The following TSPOAP1 variants were observed in gnomAD, a reference collection of about 807,000 sequenced individuals.
TSPOAP1 encodes peripheral-type benzodiazepine receptor-associated protein 1.
In TSPOAP1, 87 loss-of-function variants were observed where a neutral mutation model predicts 197.0. The observed-to-expected ratio is 0.44, with a 90% CI of 0.37 to 0.53. TSPOAP1 has a LOEUF of 0.53. Among genes scored for constraint, TSPOAP1 ranks in the 20% least tolerant of loss-of-function variants. The pLI is 0.00. For synonymous variants in TSPOAP1, 913 were observed against 998.9 expected (o/e 0.91, Z 1.62); for missense variants, 2,174 against 2,411.3 (o/e 0.90, Z 2.06).
intron 17 of TSPOAP1, 57 bp from the exon 18 acceptor site, chr17:58,311,779 C>T: frequency 6.6e-7 from 1 of 1,511,230 alleles, no homozygotes; most frequent in East Asian, 2.3e-5. Context: ...TCAGAGATAC[C>T]TGCCCAATTT....
rs756055121 is a variant in TSPOAP1 at position 58,322,632 on chromosome 17, C to A, written c.1317+22G>T. ...CCCATGCCAGGGCCCAGCACCCTCT[C>A]CCACCTGCACCATCTCCTCACCTTC... is the stretch of plus-strand genomic sequence containing the variant. On this transcript the variant is annotated intron_variant, in intron 9 of 31. Transcript: ENST00000343736. This position sits in a 1 kb window ranked among gnomAD's most constrained non-coding sequence, Gnocchi z 5.0. 3 of 1,606,598 alleles carry A rather than the reference C, an allele frequency of 1.9e-6. No homozygotes were observed. Among genetic ancestry groups the A allele is most frequent in the Non-Finnish European group, 2.5e-6 (3 of 1,179,802 alleles).
Position 58,312,442 on chromosome 17 carries a change from G to T in TSPOAP1, c.2379C>A (p.Tyr793Ter). The T allele has an allele frequency of 6.2e-7, 1 of 1,613,082 alleles. No individual in the cohort carries two copies. The highest frequency in any genetic ancestry group is 8.5e-7 in the Non-Finnish European group (1 of 1,179,772). The change falls in exon 17 of 32, where the codon TAC becomes TAA. Residue 793 changes from tyrosine (Y) to a stop codon, truncating the protein, a stop_gained. Coordinates refer to ENST00000343736, the MANE Select transcript of TSPOAP1 (RefSeq NM_004758.4). LOFTEE classifies it high-confidence loss of function. ...EGLGEPPAVP[Y>*]PRRLVVLKQL... The stretch of plus-strand genomic sequence containing the variant: ...GCTTGAGGACCACCAGACGGCGGGG[G>T]TAAGGCACGGCAGGAGGCTCGCCCA...
intron 25 of TSPOAP1, 46 bp from the exon 26 acceptor site, chr17:58,306,459 A>G: frequency 6.6e-7 from 1 of 1,510,536 alleles, no homozygotes; most frequent in Non-Finnish European, 9.0e-7. Context: ...GAGGTGGGAG[A>G]GACAGGACTG....
chr17:58,316,637 A>C (rs1483460163), intron 14 of TSPOAP1, 97 bp from the exon 15 acceptor site: 1 of 907,426 alleles, frequency 1.1e-6, no homozygotes. Context: ...CTATTGCTTT[A>C]AGGAGGGAAA....
chr17:58,316,769 C>T (rs1179946672), intron 14 of TSPOAP1, among the ~76,000 whole-genome samples: 1 of 152,234 alleles, frequency 6.6e-6, no homozygotes, highest in Non-Finnish European at 1.5e-5. Context: ...GTGGGGATAA[C>T]CCAGACCCCT....
intron 16 of TSPOAP1, among the ~76,000 whole-genome samples, chr17:58,314,027 C>A (rs1971144287): frequency 6.6e-6 from 1 of 152,166 alleles, no homozygotes; most frequent in Non-Finnish European, 1.5e-5. Context: ...AAAAAAAGGT[C>A]TCAGGAAACA....
chr17:58,311,308 G>A (rs1405556690), intron 18 of TSPOAP1, 95 bp from the exon 19 acceptor site: 1 of 1,518,762 alleles, frequency 6.6e-7, no homozygotes, highest in Non-Finnish European at 8.9e-7. Flanking sequence ...TGACAGCAGT[G>A]GCAGCTAGCA....
At position 58,311,691 on chromosome 17, in the gene TSPOAP1, G is replaced by A. The variant is rs200639560; in HGVS notation, c.2961C>T (p.Ile987=). Residue 987 remains isoleucine, a synonymous_variant, in exon 18 of 32, where the codon ATC becomes ATT. Transcript: ENST00000343736. ...AGATCCCAGGGGAGGGCCCAGGCTC[G>A]ATCTGCACATCCAGAGGGGCATCAG... The part of the protein sequence containing the change: ...GPPDAPLDVQ[I]EPGPSPGILI... 136 of 1,598,284 alleles carry A rather than the reference G, an allele frequency of 8.5e-5. No individual in the cohort carries two copies. The highest frequency in any genetic ancestry group is 8.2e-5 in the Non-Finnish European group (96 of 1,170,534).
At position 58,310,936 on chromosome 17, in the gene TSPOAP1, G is replaced by C. The variant is rs1971060255; in HGVS notation, c.3359C>G (p.Ala1120Gly). Residue 1120 changes from alanine to glycine, a missense_variant, in exon 19 of 32, where the codon GCT becomes GGT. Transcript: ENST00000343736. ...GDPSSPLQHP[A>G]PLGTQEPPGA... is the part of the protein sequence containing the mutation. ...TGGAGGCTCTTGAGTTCCAAGGGGA[G>C]CAGGGTGCTGGAGAGGAGAGCTGGG... is the stretch of plus-strand genomic sequence containing the variant. The C allele has an allele frequency of 5.1e-6, 8 of 1,565,016 alleles. No homozygotes were observed. The highest frequency in any genetic ancestry group is 6.9e-6 in the Non-Finnish European group (8 of 1,160,218).
intron 7 of TSPOAP1, 79 bp from the exon 8 acceptor site, chr17:58,323,118 C>T: frequency 6.5e-7 from 1 of 1,530,474 alleles, no homozygotes; most frequent in South Asian, 1.2e-5. Context: ...CCCTGCCCTC[C>T]TCCCAGGCAA....
At chr17:58,319,416 G>T in intron 12 of TSPOAP1, 122 bp from the exon 13 acceptor site, 1 of 1,137,084 alleles carries the variant, frequency 8.8e-7, no homozygotes, top group Non-Finnish European at 1.2e-6. Context: ...CCCCAGGCCT[G>T]GGCACCAGCC....
At position 58,323,006 on chromosome 17, in the gene TSPOAP1, C is replaced by T; in HGVS notation, c.1138G>A (p.Ala380Thr). The stretch of plus-strand genomic sequence containing the variant: ...CGGGAGTTCTCCTCCACCAGGCGGG[C>T]ATTCTCATTCTGCGCTTGTCTCAGC... ...LQLRQAQNEN[A>T]RLVEENSRLS... Residue 380 changes from alanine to threonine, a missense_variant, in exon 8 of 32, where the codon GCC (alanine) becomes ACC (threonine). Around this residue, in one of 5 missense-constraint regions of TSPOAP1, gnomAD observed 1,933 missense variants for 2,139.0 expected, o/e 0.90. Coordinates refer to ENST00000343736, the MANE Select transcript of TSPOAP1 (RefSeq NM_004758.4). 6.2e-7 allele frequency: 1 copy of T among 1,611,130 alleles called. No homozygotes were observed. Among genetic ancestry groups the T allele is most frequent in the Non-Finnish European group, 8.5e-7 (1 of 1,178,844 alleles).
intron 16 of TSPOAP1, among the ~76,000 whole-genome samples, chr17:58,313,009 G>T (rs530431487): frequency 1.2e-4 from 19 of 152,282 alleles, no homozygotes; most frequent in African/African-American, 4.6e-4. Context: ...AACTCGGTTG[G>T]GTCTGGATGG....
At position 58,302,103 on chromosome 17, in the gene TSPOAP1, A is replaced by T. The variant is rs1477578464; in HGVS notation, c.*377T>A. On this transcript the variant is annotated 3_prime_UTR_variant, in exon 32 of 32. Coordinates refer to ENST00000343736, the MANE Select transcript of TSPOAP1 (RefSeq NM_004758.4). ...CTAGAGAGTTCATCCTTAAGGAGCC[A>T]TTTAGCTCTGACCTTCACCAAGGCT... 1.1e-5 allele frequency: 6 copies of T among 543,656 alleles called. No individual in the cohort carries two copies. In the Admixed American group the frequency reaches 2.3e-4, roughly 21 times the overall value. 33.7% of individuals were successfully genotyped at this position (543,656 alleles called of 1,614,324 possible). A position where few individuals can be genotyped will look rare whatever the true frequency, so the allele number is the denominator to read the frequency against.
Position 58,320,997 on chromosome 17 carries a change from C to T in TSPOAP1, c.1423-416G>A, listed in dbSNP as rs374576004. Among the ~76,000 whole-genome samples the T allele has an allele frequency of 3.3e-4, 50 of 152,310 alleles. No individual in the cohort carries two copies. The East Asian group carries it at 5.8e-3, about 18-fold the overall frequency. On this transcript the variant is annotated intron_variant, in intron 10 of 31. Transcript: ENST00000343736. ...TATATTGTCTACTCTCTTCCTAGGGCTCCCATCTACTCATACAACTAAACA... is the reference window on the plus strand; with the variant it reads ...TATATTGTCTACTCTCTTCCTAGGGTTCCCATCTACTCATACAACTAAACA...
In TSPOAP1 at chr17:58,328,164, T is replaced by C. The variant is rs1971712591; in HGVS notation, c.-244A>G. 2 of 554,314 alleles carry C rather than the reference T, an allele frequency of 3.6e-6. No homozygotes were observed. The highest frequency in any genetic ancestry group is 2.3e-5 in the South Asian group (1 of 44,128). The allele number at this position is 554,314 out of a possible 1,614,324, so 34.3% of individuals were successfully genotyped here. A position where few individuals can be genotyped will look rare whatever the true frequency, so the allele number is the denominator to read the frequency against. ...GCTGGTAGCTGTGTGTGTGCGCGAG[T>C]ATGTGGAGGAGCGAGGGTGTCCCTG... On this transcript the variant is annotated 5_prime_UTR_variant, in exon 1 of 32. It adds an upstream start codon to the 5' untranslated region. Coordinates refer to ENST00000343736, the MANE Select transcript of TSPOAP1 (RefSeq NM_004758.4). This position sits in a 1 kb window ranked among gnomAD's most constrained non-coding sequence, Gnocchi z 4.3.
chr17:58,309,498 C>T lies in TSPOAP1; in HGVS notation c.3892-118G>A. ...AAGGCAGGGGTTACGGACAACCCCA[C>T]AGCCCTCCCACGGCTTCCTCCGAGA... is the stretch of plus-strand genomic sequence containing the variant. On this transcript the variant is annotated intron_variant, in intron 21 of 31. Coordinates refer to ENST00000343736, the MANE Select transcript of TSPOAP1 (RefSeq NM_004758.4). The surrounding 1 kb of genome is among the most constrained non-coding windows in gnomAD (Gnocchi z 5.0). 1 of 1,347,064 alleles carries T rather than the reference C, an allele frequency of 7.4e-7. No individual in the cohort carries two copies. The highest frequency in any genetic ancestry group is 2.7e-5 in the Admixed American group (1 of 37,358). The allele number at this position is 1,347,064 out of a possible 1,614,324, so 83.4% of individuals were successfully genotyped here.
intron 20 of TSPOAP1, 129 bp from the exon 21 acceptor site, chr17:58,310,287 G>T: frequency 8.7e-7 from 1 of 1,143,478 alleles, no homozygotes. Flanking sequence ...TGTCCTAAAT[G>T]GGGGAGGCAC....
At chr17:58,306,055 T>C (rs1970879311) in intron 26 of TSPOAP1, among the ~76,000 whole-genome samples, 190 bp from the exon 27 acceptor site, 1 of 152,176 alleles carries the variant, frequency 6.6e-6, no homozygotes, top group African/African-American at 2.4e-5. Flanking sequence ...CGCTCTGGGA[T>C]TCACGGATTT....
Sources: allele counts gnomAD v4.1 joint callset (sites outside exome capture counted in the v4.1 genomes callset), GRCh38; gene constraint gnomAD v4.1.1; regional missense constraint gnomAD v4.1.1; non-coding constraint Gnocchi (gnomAD v3.1); transcripts MANE v1.5; gene names NCBI Gene and HGNC (gene_info 2026-07-23, HGNC 2026-07-21).